Variants in MFRP observed in about 807,000 individuals in gnomAD.
MFRP encodes membrane frizzled-related protein.
MFRP carries 74 observed loss-of-function variants against 65.8 expected under a neutral mutation model. The observed-to-expected ratio is 1.12, with a 90% CI of 0.93 to 1.36. The LOEUF (loss-of-function observed/expected upper bound fraction) is 1.36. Ranked by LOEUF, MFRP falls within the 40% of genes most tolerant of loss-of-function variation. MFRP has a pLI of 0.00. For missense variants in MFRP, 838 were observed against 736.0 expected (o/e 1.14, Z -1.60); for synonymous variants, 336 against 288.3 (o/e 1.17, Z -1.68).
Position 119,346,587 on chromosome 11 carries a change from C to T in MFRP, c.-74G>A. Reference sequence around the variant, plus strand: ...CCCCCAAGGGCCCACTCGCTGACCACAAACTCCCTGTCAGAGGGGCAGCCT... The same window carrying T: ...CCCCCAAGGGCCCACTCGCTGACCATAAACTCCCTGTCAGAGGGGCAGCCT... On this transcript the variant is annotated 5_prime_UTR_variant, in exon 1 of 15. In the 5' UTR this introduces an upstream ATG that the reference lacks. Transcript: ENST00000619721. 2 of 1,494,134 alleles carry T rather than the reference C, an allele frequency of 1.3e-6. No homozygotes were observed. Among genetic ancestry groups the T allele is most frequent in the Non-Finnish European group, 1.9e-6 (2 of 1,072,738 alleles). The allele number at this position is 1,494,134 out of a possible 1,614,324, so 92.6% of individuals were successfully genotyped here.
Position 119,341,487 on chromosome 11 carries a change from C to A in MFRP, c.*61G>T, listed in dbSNP as rs752071088. 3 of 1,394,812 alleles carry A rather than the reference C, an allele frequency of 2.2e-6. No homozygotes were observed. The highest frequency in any genetic ancestry group is 1.2e-5 in the South Asian group (1 of 85,138). 86.4% of individuals were successfully genotyped at this position (1,394,812 alleles called of 1,614,324 possible). The stretch of plus-strand genomic sequence containing the variant: ...TGATGCTCCTTCCTTTGTTCCCCTG[C>A]GTGCCAGCCCTGACCGGCAAAAGAG... On this transcript the variant is annotated 3_prime_UTR_variant, in exon 13 of 15. Transcript: ENST00000619721.
At chr11:119,344,261 G>A in intron 8 of MFRP, 54 bp downstream of exon 8, 1 of 1,515,110 alleles carries the variant, frequency 6.6e-7, no homozygotes, top group Non-Finnish European at 9.2e-7. Flanking sequence ...CTAACTTGGG[G>A]ATCAGGTGCT....
intron 11 of MFRP, among the ~76,000 whole-genome samples, chr11:119,342,332 T>C (rs1245577313): frequency 4.6e-5 from 7 of 152,164 alleles, no homozygotes; most frequent in African/African-American, 1.7e-4. Context: ...GGAAAGGGGC[T>C]CTGGGTGACA....
At chr11:119,343,051 G>C in intron 9 of MFRP, 48 bp from the exon 10 acceptor site, 3 of 1,560,268 alleles carry the variant, frequency 1.9e-6, no homozygotes, top group Non-Finnish European at 2.6e-6. Context: ...GGCTGACTGA[G>C]GGGGCACTGC....
rs36015759 is a variant in MFRP, at chr11:119,345,569, G to T, written c.492C>A (p.Tyr164Ter). The T allele has an allele frequency of 1.2e-6, 2 of 1,613,706 alleles. No individual in the cohort carries two copies. The highest frequency in any genetic ancestry group is 1.3e-5 in the African/African-American group (1 of 74,878). ...FFSSPNYPDPYPPNTHCVWHI... is the reference protein window; with the variant it reads ...FFSSPNYPDP ...GCCACACGCAGTGGGTGTTGGGGGG[G>T]TAAGGGTCTGGGTAGTTAGGGCTGC... The change falls in exon 5 of 15, where the codon TAC (tyrosine) becomes TAA (stop). Residue 164 changes from tyrosine (Y) to a stop codon, truncating the protein, a stop_gained. Transcript: ENST00000619721. LOFTEE classifies it high-confidence loss of function.
intron 5 of MFRP, 110 bp downstream of exon 5, chr11:119,345,310 A>AGTCTCTCAATTTCTTCCTC (rs2135373051): frequency 8.8e-7 from 1 of 1,130,380 alleles, no homozygotes; most frequent in Non-Finnish European, 1.3e-6. Flanking sequence ...CCAGAGGTCT[A>AGTCTCTCAATTTCTTCCTC]GTCTCTCAAT....
Position 119,345,910 on chromosome 11 carries a change from G to T in MFRP, c.290C>A (p.Pro97Gln), listed in dbSNP as rs199473708. ...CAGTGGGCTATGGGACGCCCCAGAT[G>T]GGGGTGCAGCCTGCAGCTCTGGAGG... ...IILAQLQAAP[P>Q]SGASHSPLPA... The change falls in exon 4 of 15, where the codon CCA becomes CAA. Residue 97 changes from proline to glutamine, a missense_variant. Transcript: ENST00000619721. The T allele has an allele frequency of 3.7e-6, 6 of 1,613,690 alleles. No homozygotes were observed. The highest frequency in any genetic ancestry group is 2.2e-5 in the South Asian group (2 of 91,078).
Position 119,342,825 on chromosome 11 carries a change from C to G in MFRP, c.1255+48G>C, listed in dbSNP as rs748321183. The G allele has an allele frequency of 1.4e-5, 22 of 1,612,936 alleles. No homozygotes were observed. The African/African-American group carries it at 2.8e-4, about 21-fold the overall frequency. ...AGGGTCCAGAGCCCTTGTCTGTCCC[C>G]CTGGAGGTGCCTCTACTGCCCCCAC... On this transcript the variant is annotated intron_variant, in intron 10 of 14. Transcript: ENST00000619721.
chr11:119,342,917 C>T lies in MFRP; in HGVS notation c.1211G>A (p.Ser404Asn). The T allele has an allele frequency of 1.9e-6, 3 of 1,613,006 alleles. No individual in the cohort carries two copies. The South Asian group carries it at 3.3e-5, about 18-fold the overall frequency. The stretch of plus-strand genomic sequence containing the variant: ...CAGGTAGGTGGCTGAGAAGCCTCCA[C>T]TGCTGATGCCATGATCTGTCCTAAA... The part of the protein sequence containing the change: ...VLFRTDHGIS[S>N]GGFSATYLAF... The change falls in exon 10 of 15, where the codon AGT becomes AAT. Residue 404 changes from serine to asparagine, a missense_variant. Ser to Asn is a conservative substitution (Grantham distance 46). Coordinates refer to ENST00000619721, the MANE Select transcript of MFRP (RefSeq NM_031433.4).
In MFRP at chr11:119,344,875, G is replaced by A. The variant is rs199739786; in HGVS notation, c.771C>T (p.Arg257=). ...HAWYQAMAPG[R]GSCAHDEFRC... ...ACAGGCAGGTGGGAACACACTCACC[G>A]CGCCCAGGGGCCATAGCCTGGTACC... Residue 257 remains arginine (R), a splice_region_variant and synonymous_variant, in exon 6 of 15, where the codon CGC becomes CGT. Transcript: ENST00000619721. 1.2e-4 allele frequency: 197 copies of A among 1,613,114 alleles called. No individual in the cohort carries two copies. The East Asian group carries it at 3.2e-3, about 26-fold the overall frequency.
chr11:119,344,315 C>CAGTT lies in MFRP; in HGVS notation c.971_974dup (p.Leu326ThrfsTer33). The CAGTT allele has an allele frequency of 6.2e-7, 1 of 1,613,890 alleles. No individual in the cohort carries two copies. Among genetic ancestry groups the CAGTT allele is most frequent in the Non-Finnish European group, 8.5e-7 (1 of 1,179,918 alleles). On this transcript the variant is annotated frameshift_variant and splice_region_variant, in exon 8 of 15. Coordinates refer to ENST00000619721, the MANE Select transcript of MFRP (RefSeq NM_031433.4). LOFTEE classifies it high-confidence loss of function. ...GTTCTGCATGGAGCACTGTGCTTAC[C>CAGTT]AGTTGGTGAGGGTACTGCTGCAGGT... is the stretch of plus-strand genomic sequence containing the variant.
Position 119,342,886 on chromosome 11 carries a change from G to A in MFRP, c.1242C>T (p.Phe414=), listed in dbSNP as rs1313013945. 19 of 1,613,064 alleles carry A rather than the reference G, an allele frequency of 1.2e-5. No individual in the cohort carries two copies. In the South Asian group the frequency reaches 1.5e-4, roughly 13 times the overall value. ...AGGGGCACCTACTCTCCGTGGCATTGAAGGCCAGGTAGGTGGCTGAGAAGC... is the reference window on the plus strand; with the variant it reads ...AGGGGCACCTACTCTCCGTGGCATTAAAGGCCAGGTAGGTGGCTGAGAAGC... ...SGGFSATYLA[F]NATENPCGPS... Residue 414 remains phenylalanine (F), a synonymous_variant, in exon 10 of 15, where the codon TTC becomes TTT. Coordinates refer to ENST00000619721, the MANE Select transcript of MFRP (RefSeq NM_031433.4).
intron 9 of MFRP, 89 bp from the exon 10 acceptor site, chr11:119,343,092 AGCCCTGGATGAT>A: frequency 6.6e-7 from 1 of 1,505,046 alleles, no homozygotes; most frequent in Admixed American, 2.0e-5. Flanking sequence ...CTGAGCTGGG[AGCCCTGGATGAT>A]GCCAAAGGTG....
At chr11:119,341,817 C>T (rs1439608095) in intron 12 of MFRP, 40 bp downstream of exon 12, 1 of 1,611,882 alleles carries the variant, frequency 6.2e-7, no homozygotes, top group Non-Finnish European at 8.5e-7. Context: ...CCAGGCTCCT[C>T]CCCTCCCAGG....
chr11:119,340,036 C>T, intron 14 of MFRP, 148 bp downstream of exon 14: 1 of 1,252,512 alleles, frequency 8.0e-7, no homozygotes, highest in Non-Finnish European at 1.0e-6. Context: ...GGGGCTCCCG[C>T]CGCCTGGGCC....
rs2135364678 is a variant in MFRP at position 119,339,859 on chromosome 11, A to G, written c.*1111-11T>C. 1 of 1,464,466 alleles carries G rather than the reference A, an allele frequency of 6.8e-7. No homozygotes were observed. Among genetic ancestry groups the G allele is most frequent in the Non-Finnish European group, 9.0e-7 (1 of 1,115,672 alleles). 90.7% of individuals were successfully genotyped at this position (1,464,466 alleles called of 1,614,324 possible). Reference sequence around the variant, plus strand: ...GAGGTCCCGGCAGTCCTGCGGGGTAAGCGGGGCGGCAGGGTGAGAGTAGCG... The same window carrying G: ...GAGGTCCCGGCAGTCCTGCGGGGTAGGCGGGGCGGCAGGGTGAGAGTAGCG... On this transcript the variant is annotated splice_polypyrimidine_tract_variant and intron_variant, in intron 14 of 14. Coordinates refer to ENST00000619721, the MANE Select transcript of MFRP (RefSeq NM_031433.4). The surrounding 1 kb of genome is among the most constrained non-coding windows in gnomAD (Gnocchi z 5.4).
chr11:119,340,311 C>A lies in MFRP; in HGVS notation c.*983G>T, dbSNP rs1256963140. 6.5e-7 allele frequency: 1 copy of A among 1,539,128 alleles called. No homozygotes were observed. The highest frequency in any genetic ancestry group is 8.7e-7 in the Non-Finnish European group (1 of 1,143,628). ...GCGTGCCTGGAAGGCCGGGGTGCCC[C>A]GGGCAGAGGCTGGGGATCTTGTTGT... On this transcript the variant is annotated 3_prime_UTR_variant, in exon 14 of 15. Transcript: ENST00000619721.
rs1276036323 is a variant in MFRP, at chr11:119,343,019, A to G, written c.1125-16T>C. ...TCCACAGAACCTGCCCAAAGCAGAC[A>G]GCTGTTCTGGGCACCAGCCCTGGCT... On this transcript the variant is annotated splice_polypyrimidine_tract_variant and intron_variant, in intron 9 of 14. Coordinates refer to ENST00000619721, the MANE Select transcript of MFRP (RefSeq NM_031433.4). The G allele has an allele frequency of 6.3e-7, 1 of 1,592,376 alleles. No homozygotes were observed. Among genetic ancestry groups the G allele is most frequent in the African/African-American group, 1.3e-5 (1 of 74,756 alleles).
rs771999204 is a variant in MFRP at position 119,342,584 on chromosome 11, C to T, written c.1387+12G>A. On this transcript the variant is annotated intron_variant, in intron 11 of 14. Coordinates refer to ENST00000619721, the MANE Select transcript of MFRP (RefSeq NM_031433.4). ...CCAGCCTGCTCAGGGTCCCCAGGGG[C>T]AGGCTTCTCACCTGGGGGTGGGAAC... 4 of 1,612,684 alleles carry T rather than the reference C, an allele frequency of 2.5e-6. No homozygotes were observed. Among genetic ancestry groups the T allele is most frequent in the Non-Finnish European group, 3.4e-6 (4 of 1,179,740 alleles).
Sources: gnomAD v4.1 joint callset for allele counts (sites outside exome capture counted in the v4.1 genomes callset) on GRCh38, gnomAD v4.1.1 for gene constraint, Gnocchi (gnomAD v3.1) non-coding constraint, MANE v1.5 for transcripts, NCBI Gene and HGNC (gene_info 2026-07-23, HGNC 2026-07-21) for gene names.